The following AGBL4 variants were observed in gnomAD, a reference collection of about 807,000 sequenced individuals.
The protein encoded by AGBL4 is cytosolic carboxypeptidase 6.
A neutral mutation model predicts 66.4 loss-of-function variants in AGBL4; 58 were observed. The observed-to-expected ratio is 0.87, with a 90% CI of 0.71 to 1.09. The LOEUF (loss-of-function observed/expected upper bound fraction) is 1.09, where lower values mean the gene tolerates loss of function less well. Among genes scored for constraint, AGBL4 ranks in the 50% least tolerant of loss-of-function variants. The pLI, the probability that AGBL4 is intolerant of heterozygous loss-of-function variation, is 0.00. For missense variants in AGBL4, 579 were observed against 631.0 expected (o/e 0.92, Z 0.88); for synonymous variants, 234 against 222.9 (o/e 1.05, Z -0.44).
Position 48,694,311 on chromosome 1 carries a change from T to C in AGBL4, c.635-31070A>G, listed in dbSNP as rs138697071. Among the ~76,000 whole-genome samples the C allele has an allele frequency of 2.2e-3, 335 of 152,306 alleles. 4 individuals carry two copies. Among genetic ancestry groups the C allele is most frequent in the African/African-American group, 7.5e-3 (310 of 41,564 alleles). On this transcript the variant is annotated intron_variant, in intron 6 of 13. Coordinates refer to ENST00000371839, the MANE Select transcript of AGBL4 (RefSeq NM_032785.4). ...ACTATCACTGGAGATGCAGAACTAC[T>C]GACAATGTTTTAAAAAAAGCATCAT...
At chr1:49,803,933 A>G (rs1310400070) in intron 2 of AGBL4, among the ~76,000 whole-genome samples, 1 of 152,222 alleles carries the variant, frequency 6.6e-6, no homozygotes, top group Non-Finnish European at 1.5e-5. Context: ...AAAGAAGTTA[A>G]AACAAAGTAA....
At chr1:49,069,087 T>C (rs1412793996) in intron 4 of AGBL4, among the ~76,000 whole-genome samples, 1 of 152,236 alleles carries the variant, frequency 6.6e-6, no homozygotes, top group East Asian at 1.9e-4. Flanking sequence ...TGTTTGTTTT[T>C]TTCTTGTAAA....
At chr1:49,860,821 A>G (rs1336373374) in intron 1 of AGBL4, among the ~76,000 whole-genome samples, 1 of 152,212 alleles carries the variant, frequency 6.6e-6, no homozygotes, top group Non-Finnish European at 1.5e-5. Context: ...ACACAGAAAA[A>G]AACACCTTCT....
In AGBL4 at chr1:49,340,570, C is replaced by T. The variant is rs12027727; in HGVS notation, c.283-94706G>A. ...TTACTCCAAGAATCAGAGCATGAAA[C>T]CTCAACTTAAATTTCTCTCCTTTTC... On this transcript the variant is annotated intron_variant, in intron 3 of 13. Transcript: ENST00000371839. 8.0e-3 allele frequency among the ~76,000 whole-genome samples: 1,220 copies of T among 152,256 alleles called. 9 individuals carry two copies. The highest frequency in any genetic ancestry group is 0.031 in the Middle Eastern group (9 of 294).
At chr1:48,755,813 A>G (rs1469154636) in intron 6 of AGBL4, among the ~76,000 whole-genome samples, 2 of 152,180 alleles carry the variant, frequency 1.3e-5, no homozygotes, top group Non-Finnish European at 2.9e-5. Flanking sequence ...CAATGTCTTA[A>G]TCTTCTTTGT....
chr1:49,590,532 C>T (rs1644732376), intron 3 of AGBL4, among the ~76,000 whole-genome samples: 1 of 151,978 alleles, frequency 6.6e-6, no homozygotes, highest in African/African-American at 2.4e-5. Context: ...AGGTAGAAAA[C>T]ATCAGCAAAG....
the AGBL4 span, among the ~76,000 whole-genome samples, chr1:48,525,863 C>T: frequency 1.5e-4 from 23 of 152,146 alleles, no homozygotes; most frequent in African/African-American, 5.3e-4. Context: ...GGAAAACTCC[C>T]TCTAGTTAGT....
chr1:48,912,236 G>A (rs924207556), intron 5 of AGBL4, among the ~76,000 whole-genome samples: 6 of 152,156 alleles, frequency 3.9e-5, no homozygotes, highest in Non-Finnish European at 7.3e-5. Flanking sequence ...GTATAGCATC[G>A]GTACCTGAAT....
intron 1 of AGBL4, among the ~76,000 whole-genome samples, chr1:49,866,704 C>G (rs1646709431): frequency 6.6e-6 from 1 of 151,946 alleles, no homozygotes; most frequent in African/African-American, 2.4e-5. Context: ...GTGGAGGTTG[C>G]AATGAGCCGA....
At chr1:48,573,917 A>T (rs72679370) in intron 11 of AGBL4, among the ~76,000 whole-genome samples, 7,981 of 152,292 alleles carry the variant, frequency 0.052, 246 homozygotes, top group South Asian at 0.11. Flanking sequence ...TGAGGTAAAT[A>T]TAATAATCAT....
At chr1:49,075,644 G>A (rs1476584164) in intron 4 of AGBL4, among the ~76,000 whole-genome samples, 1 of 152,180 alleles carries the variant, frequency 6.6e-6, no homozygotes, top group Non-Finnish European at 1.5e-5. Context: ...CATCAAGATA[G>A]TGCAGGCCAG....
chr1:50,009,107 C>A (rs957135932), intron 1 of AGBL4, among the ~76,000 whole-genome samples: 3 of 152,032 alleles, frequency 2.0e-5, no homozygotes, highest in Admixed American at 2.0e-4. Flanking sequence ...TTTTGAAAAA[C>A]AGAGGAGAAG....
At position 49,229,589 on chromosome 1, in the gene AGBL4, T is replaced by A. The variant is rs536325427; in HGVS notation, c.377+16181A>T. Among the ~76,000 whole-genome samples the A allele has an allele frequency of 5.3e-5, 8 of 152,318 alleles. No individual in the cohort carries two copies. The East Asian group carries it at 9.7e-4, about 18-fold the overall frequency. On this transcript the variant is annotated intron_variant, in intron 4 of 13. Coordinates refer to ENST00000371839, the MANE Select transcript of AGBL4 (RefSeq NM_032785.4). ...TGACATGGTCAGTGGGAATCAGTCA[T>A]CTGTAAAATTCTTCTGATCAGAAAA...
At chr1:48,718,919 T>C (rs192854245) in intron 6 of AGBL4, among the ~76,000 whole-genome samples, 13 of 152,338 alleles carry the variant, frequency 8.5e-5, no homozygotes, top group African/African-American at 3.1e-4. Flanking sequence ...TCCGACTACA[T>C]ACCTGCCGTG....
At chr1:49,995,940 T>C (rs535147443) in intron 1 of AGBL4, 2 of 152,324 alleles carry the variant, frequency 1.3e-5, no homozygotes, top group East Asian at 3.9e-4. Flanking sequence ...CTCCACTAGG[T>C]GGCTAGACTG....
chr1:49,512,575 A>C (rs1040494109), intron 3 of AGBL4, among the ~76,000 whole-genome samples: 7 of 151,736 alleles, frequency 4.6e-5, no homozygotes, highest in Non-Finnish European at 7.4e-5. Flanking sequence ...TCACCATGTG[A>C]CATACCTGCT....
chr1:49,816,797 A>G (rs554036200), intron 2 of AGBL4, among the ~76,000 whole-genome samples: 20 of 152,216 alleles, frequency 1.3e-4, no homozygotes, highest in Non-Finnish European at 2.6e-4. Flanking sequence ...TACTGCTCAT[A>G]GACATTATGC....
intron 3 of AGBL4, among the ~76,000 whole-genome samples, chr1:49,661,515 T>G (rs187736973): frequency 5.8e-4 from 89 of 152,282 alleles, no homozygotes; most frequent in Admixed American, 9.2e-4. Flanking sequence ...TCTGACCATC[T>G]GATACACTGA....
intron 3 of AGBL4, among the ~76,000 whole-genome samples, chr1:49,376,653 GAT>G (rs1221861713): frequency 1.3e-5 from 2 of 151,942 alleles, no homozygotes; most frequent in Admixed American, 6.6e-5. Context: ...TTTTTGGTAT[GAT>G]ATATGTCTTC....
Sources: gnomAD v4.1 joint callset for allele counts (sites outside exome capture counted in the v4.1 genomes callset) on GRCh38, gnomAD v4.1.1 for gene constraint, MANE v1.5 for transcripts, NCBI Gene and HGNC (gene_info 2026-07-23, HGNC 2026-07-21) for gene names.